Variants in ODR4 observed in about 807,000 individuals in gnomAD.
ODR4 encodes odr-4 GPCR localization factor homolog.
A neutral mutation model predicts 60.2 loss-of-function variants in ODR4; 47 were observed. The ratio of observed to expected loss-of-function variants is 0.78; its 90% CI spans 0.62 to 1.00. The LOEUF (loss-of-function observed/expected upper bound fraction) is 1.00, where lower values mean the gene tolerates loss of function less well. ODR4 is among the 50% of genes least tolerant of loss of function. ODR4 has a pLI of 0.00. For synonymous variants in ODR4, 178 were observed against 175.5 expected (o/e 1.01, Z -0.11); for missense variants, 488 against 530.8 (o/e 0.92, Z 0.79).
rs771486193 is a variant in ODR4 at position 186,419,047 on chromosome 1, G to A, written c.1336G>A (p.Gly446Ser). 6.2e-7 allele frequency: 1 copy of A among 1,610,832 alleles called. No individual in the cohort carries two copies. The highest frequency in any genetic ancestry group is 1.1e-5 in the South Asian group (1 of 90,260). The part of the protein sequence containing the change: ...AAFTVAVLAA[G>S]ISFHYFSD ...ATTTACAGTTGCAGTCCTTGCTGCG[G>A]GTATCTCCTTTCATTACTTCAGTGA... Residue 446 changes from glycine (G) to serine (S), a missense_variant, in exon 14 of 14, where the codon GGT becomes AGT. Coordinates refer to ENST00000287859, the MANE Select transcript of ODR4 (RefSeq NM_017847.6).
At chr1:186,423,448 T>C (rs1420936287), downstream of ODR4, among the ~76,000 whole-genome samples, 1 of 119,876 alleles carries the variant, frequency 8.3e-6, no homozygotes, top group African/African-American at 4.0e-5. Flanking sequence ...TTGTGCTTTT[T>C]TTTTTTTTTT....
chr1:186,396,202 G>C (rs1167796134), intron 9 of ODR4, among the ~76,000 whole-genome samples: 1 of 152,166 alleles, frequency 6.6e-6, no homozygotes, highest in Non-Finnish European at 1.5e-5. Context: ...CCTATAGGCT[G>C]TTTGGCAGCC....
rs12036616 is a variant in ODR4, at chr1:186,382,227, A to G, written c.100-795A>G. Among the ~76,000 whole-genome samples, 80 of 149,882 alleles carry G rather than the reference A, an allele frequency of 5.3e-4. 1 individual carries two copies. The East Asian group carries it at 0.015, about 29-fold the overall frequency. ...TTGACCTAGCCTGGGCAACATAGCA[A>G]GACTCTGTCTCTACAAAAAAGTAAA... On this transcript the variant is annotated intron_variant, in intron 2 of 13. Transcript: ENST00000287859.
chr1:186,394,545 ATTATTCCTAAAAATACATACC>A (rs1660598615), intron 9 of ODR4, among the ~76,000 whole-genome samples: 2 of 152,238 alleles, frequency 1.3e-5, no homozygotes, highest in Admixed American at 1.3e-4. Context: ...AAAGCCACTA[ATTATTCCTAAAAATACATACC>A]TTTGATTTTA....
At chr1:186,421,475 A>C (rs1176694462), downstream of ODR4, 1 of 152,184 alleles carries the variant, frequency 6.6e-6, no homozygotes, top group Non-Finnish European at 1.5e-5. Context: ...AGGTTCTTTT[A>C]TTCAGAAAAC....
rs2102035613 is a variant in ODR4, at chr1:186,390,737, G to A, written c.501G>A (p.Lys167=). Reference sequence around the variant, plus strand: ...GTTCAGCAAGACCAGCAGATTGGAAGTATCAAAGTGGATTATCATCCTCAT... The same window carrying A: ...GTTCAGCAAGACCAGCAGATTGGAAATATCAAAGTGGATTATCATCCTCAT... ...PKSSARPADW[K]YQSGLSSSWL... Residue 167 remains lysine, a synonymous_variant, in exon 7 of 14, where the codon AAG becomes AAA. Transcript: ENST00000287859. 6.2e-7 allele frequency: 1 copy of A among 1,613,520 alleles called. No homozygotes were observed. The highest frequency in any genetic ancestry group is 8.5e-7 in the Non-Finnish European group (1 of 1,179,638).
intron 2 of ODR4, among the ~76,000 whole-genome samples, chr1:186,381,483 T>A (rs950374279): frequency 2.0e-5 from 3 of 151,874 alleles, no homozygotes; most frequent in Admixed American, 6.6e-5. Context: ...GCCCGCCACC[T>A]CGCCCGGCTA....
downstream of ODR4, among the ~76,000 whole-genome samples, chr1:186,426,215 T>C (rs887242165): frequency 1.3e-5 from 2 of 152,226 alleles, no homozygotes; most frequent in Non-Finnish European, 2.9e-5. Context: ...TATTTCTAGA[T>C]ACCAGTTTCT....
intron 12 of ODR4, among the ~76,000 whole-genome samples, chr1:186,408,003 T>G (rs1037502404): frequency 6.6e-6 from 1 of 152,166 alleles, no homozygotes; most frequent in Admixed American, 6.5e-5. Context: ...TGAAATATGT[T>G]ACCCTGACGA....
In ODR4 at chr1:186,393,990, T is replaced by C; in HGVS notation, c.755T>C (p.Phe252Ser). 2 of 1,512,298 alleles carry C rather than the reference T, an allele frequency of 1.3e-6. No homozygotes were observed. The highest frequency in any genetic ancestry group is 1.8e-6 in the Non-Finnish European group (2 of 1,115,212). 93.7% of individuals were successfully genotyped at this position (1,512,298 alleles called of 1,614,324 possible). ...RGNTQATSHS[F>S]DVRVLTQLLL... Reference sequence around the variant, plus strand: ...AATACTCAAGCAACTAGTCATTCTTTTGATGTCAGAGTGCTAACGCAGTTG... The same window carrying C: ...AATACTCAAGCAACTAGTCATTCTTCTGATGTCAGAGTGCTAACGCAGTTG... The change falls in exon 9 of 14, where the codon TTT becomes TCT. Residue 252 changes from phenylalanine (F) to serine (S), a missense_variant. Phe to Ser is a radical substitution (Grantham distance 155). Coordinates refer to ENST00000287859, the MANE Select transcript of ODR4 (RefSeq NM_017847.6).
Position 186,379,882 on chromosome 1 carries a change from C to T in ODR4, c.97C>T (p.Gln33Ter), listed in dbSNP as rs1048471567. ...TTTTGTCTCTGGCCTTTTAATAGGA[C>T]AGGTATGTATCTTTTACTCTGCATT... ...KAFVSGLLIG[Q>*]CSSQKDYVIL... is the part of the protein sequence containing the mutation. The change falls in exon 2 of 14, where the codon CAG (glutamine) becomes TAG (stop). Residue 33 changes from glutamine (Q) to a stop codon, truncating the protein, a stop_gained and splice_region_variant. Transcript: ENST00000287859. LOFTEE classifies it high-confidence loss of function. 3.9e-6 allele frequency: 6 copies of T among 1,555,570 alleles called. No individual in the cohort carries two copies. The highest frequency in any genetic ancestry group is 5.3e-6 in the Non-Finnish European group (6 of 1,138,178).
At chr1:186,432,098 A>G in the ODR4 span, among the ~76,000 whole-genome samples, 1 of 152,298 alleles carries the variant, frequency 6.6e-6, no homozygotes, top group East Asian at 1.9e-4. Flanking sequence ...GTAGCTTCTC[A>G]TATATGGCTT....
In ODR4 at chr1:186,421,035, A is replaced by AGTAGGCTTCCTAACAG. The variant is rs1463223693; in HGVS notation, c.*1960_*1975dup. On this transcript the variant is annotated 3_prime_UTR_variant, in exon 14 of 14. Transcript: ENST00000287859. ...GTGAAAGCAAGACAGTCAAATACTT[A>AGTAGGCTTCCTAACAG]GTAGGCTTCCTAACAGCAACAATGT... 1 of 152,226 alleles carries AGTAGGCTTCCTAACAG rather than the reference A, an allele frequency of 6.6e-6. No individual in the cohort carries two copies. The highest frequency in any genetic ancestry group is 1.9e-4 in the East Asian group (1 of 5,198). The allele number at this position is 152,226 out of a possible 1,614,324, so 9.4% of individuals were successfully genotyped here.
chr1:186,401,829 G>C (rs1660968418), intron 11 of ODR4, among the ~76,000 whole-genome samples: 1 of 139,810 alleles, frequency 7.2e-6, no homozygotes, highest in African/African-American at 2.9e-5. Flanking sequence ...CTTTTTTTGT[G>C]TCTTTGGTTT....
At position 186,421,255 on chromosome 1, in the gene ODR4, CAAAT is replaced by C. The variant is rs1661763456; in HGVS notation, c.*2184_*2187del. On this transcript the variant is annotated 3_prime_UTR_variant, in exon 14 of 14. Transcript: ENST00000287859. ...TATCTGAAATTGAAAAACTAGTAAG[CAAAT>C]AAATGATAAACATAAGTAAATTTAA... The C allele has an allele frequency of 6.7e-6, 1 of 149,916 alleles. No individual in the cohort carries two copies. The highest frequency in any genetic ancestry group is 2.5e-5 in the African/African-American group (1 of 39,424). 9.3% of individuals were successfully genotyped at this position (149,916 alleles called of 1,614,324 possible).
chr1:186,383,022 T>G lies in ODR4; in HGVS notation c.100T>G (p.Cys34Gly). Residue 34 changes from cysteine to glycine, a missense_variant and splice_region_variant, in exon 3 of 14, where the codon TGT (cysteine) becomes GGT (glycine). Coordinates refer to ENST00000287859, the MANE Select transcript of ODR4 (RefSeq NM_017847.6). ...CAAGCTTTTTAATTTGTTGTTGAAG[T>G]GTTCGTCACAAAAGGATTATGTGAT... is the stretch of plus-strand genomic sequence containing the variant. ...AFVSGLLIGQ[C>G]SSQKDYVILA... The G allele has an allele frequency of 6.3e-7, 1 of 1,582,078 alleles. No homozygotes were observed. Among genetic ancestry groups the G allele is most frequent in the Non-Finnish European group, 8.6e-7 (1 of 1,163,496 alleles).
rs144091060 is a variant in ODR4, at chr1:186,413,503, C to T, written c.1187-4041C>T. 2.6e-5 allele frequency among the ~76,000 whole-genome samples: 4 copies of T among 152,176 alleles called. No homozygotes were observed. The East Asian group carries it at 5.8e-4, about 22-fold the overall frequency. On this transcript the variant is annotated intron_variant, in intron 12 of 13. Transcript: ENST00000287859. ...CGCTTGAGGTGAGGGATAACTATGG[C>T]TTTAAAATTTCTTAGCTGTGTTAGT...
intron 11 of ODR4, among the ~76,000 whole-genome samples, chr1:186,403,529 A>G (rs1445746494): frequency 1.3e-5 from 2 of 152,122 alleles, no homozygotes; most frequent in Non-Finnish European, 2.9e-5. Context: ...CCATAAAATT[A>G]ACCTGAATTA....
chr1:186,405,005 TA>T (rs1410055435), intron 11 of ODR4, among the ~76,000 whole-genome samples: 3 of 152,166 alleles, frequency 2.0e-5, no homozygotes, highest in African/African-American at 4.8e-5. Flanking sequence ...TGTTAGAAAT[TA>T]GGGGAAATAA....
Sources: allele counts gnomAD v4.1 joint callset (sites outside exome capture counted in the v4.1 genomes callset), GRCh38; gene constraint gnomAD v4.1.1; transcripts MANE v1.5; gene names NCBI Gene and HGNC (gene_info 2026-07-23, HGNC 2026-07-21).